PLCL1: variants seen among roughly 807,000 people sequenced by gnomAD.
PLCL1 encodes phospholipase C like 1 (inactive).
A neutral mutation model predicts 84.4 loss-of-function variants in PLCL1; 41 were observed. The observed-to-expected ratio is 0.49, with a 90% CI of 0.38 to 0.63. PLCL1 has a LOEUF of 0.63. Among genes scored for constraint, PLCL1 ranks in the 30% least tolerant of loss-of-function variants. PLCL1 has a pLI of 0.00. For synonymous variants in PLCL1, 490 were observed against 488.3 expected, an observed-to-expected ratio of 1.00 and a Z score of -0.05; for missense variants, 1,206 against 1,367.8, an observed-to-expected ratio of 0.88 and a Z score of 1.87.
rs538184493 is a variant in PLCL1, at chr2:197,961,049, A to T, written c.241-122709A>T. Among the ~76,000 whole-genome samples, 244 of 152,140 alleles carry T rather than the reference A, an allele frequency of 1.6e-3. 2 individuals are homozygous for T. Among genetic ancestry groups the T allele is most frequent in the African/African-American group, 5.9e-3 (243 of 41,528 alleles). On this transcript the variant is annotated intron_variant, in intron 1 of 5. Coordinates refer to ENST00000428675, the MANE Select transcript of PLCL1 (RefSeq NM_006226.4). ...CTTGGCATTTGGTTTCTCTTTAATA[A>T]TCTCAATCAATAATGGTTTATACTA...
chr2:197,858,282 A>G (rs567427605), intron 1 of PLCL1, among the ~76,000 whole-genome samples: 5 of 152,164 alleles, frequency 3.3e-5, no homozygotes, highest in African/African-American at 1.2e-4. Flanking sequence ...ACAGCCACTG[A>G]GTTGTAGCTC....
intron 1 of PLCL1, among the ~76,000 whole-genome samples, chr2:198,037,572 C>T (rs1691576577): frequency 6.6e-6 from 1 of 152,200 alleles, no homozygotes; most frequent in Admixed American, 6.5e-5. Context: ...TCAACATCCA[C>T]TTAACTGACA....
chr2:197,897,238 C>G (rs1179610722), intron 1 of PLCL1, among the ~76,000 whole-genome samples: 1 of 143,326 alleles, frequency 7.0e-6, no homozygotes, highest in East Asian at 2.1e-4. Context: ...TCTTCTTCCT[C>G]CTTCTTCCTC....
At chr2:197,872,275 A>G (rs1319204109) in intron 1 of PLCL1, among the ~76,000 whole-genome samples, 1 of 152,088 alleles carries the variant, frequency 6.6e-6, no homozygotes, top group African/African-American at 2.4e-5. Flanking sequence ...CTCTCAATGA[A>G]ATATAGCCAA....
chr2:198,092,400 G>A (rs187022453), intron 3 of PLCL1, among the ~76,000 whole-genome samples: 283 of 152,114 alleles, frequency 1.9e-3, no homozygotes, highest in African/African-American at 4.0e-3. Flanking sequence ...TGATATTTCC[G>A]TACATTTATA....
chr2:197,897,180 C>CT (rs1688162688), intron 1 of PLCL1, among the ~76,000 whole-genome samples: 5 of 26,206 alleles, frequency 1.9e-4, no homozygotes, highest in African/African-American at 5.3e-4. Context: ...TCTTCTTCTT[C>CT]TTCTTCTTCT....
At chr2:197,868,234 A>G (rs993952648) in intron 1 of PLCL1, among the ~76,000 whole-genome samples, 5 of 152,160 alleles carry the variant, frequency 3.3e-5, no homozygotes, top group African/African-American at 1.2e-4. Flanking sequence ...AGTCTTTTCC[A>G]TTTAAATACA....
At chr2:197,883,624 C>T (rs1559034527) in intron 1 of PLCL1, among the ~76,000 whole-genome samples, 1 of 152,054 alleles carries the variant, frequency 6.6e-6, no homozygotes, top group Non-Finnish European at 1.5e-5. Context: ...TGAAGTTCAG[C>T]ATATATTTAG....
intron 5 of PLCL1, among the ~76,000 whole-genome samples, chr2:198,130,942 C>T (rs1694105436): frequency 6.6e-6 from 1 of 152,148 alleles, no homozygotes; most frequent in Non-Finnish European, 1.5e-5. Flanking sequence ...TTCTCCCTTC[C>T]TAAAGCCCTT....
intron 1 of PLCL1, among the ~76,000 whole-genome samples, chr2:198,019,606 C>T (rs993653246): frequency 6.6e-6 from 1 of 152,044 alleles, no homozygotes; most frequent in Admixed American, 6.6e-5. Flanking sequence ...GTATCAATAG[C>T]TGAATTGATC....
At chr2:197,849,243 C>T (rs1687178563) in intron 1 of PLCL1, among the ~76,000 whole-genome samples, 1 of 152,072 alleles carries the variant, frequency 6.6e-6, no homozygotes, top group South Asian at 2.1e-4. Flanking sequence ...AAAGCCACAA[C>T]AAAATAGCAA....
At chr2:197,924,781 T>C (rs1322856424) in intron 1 of PLCL1, among the ~76,000 whole-genome samples, 1 of 152,054 alleles carries the variant, frequency 6.6e-6, no homozygotes, top group Non-Finnish European at 1.5e-5. Context: ...TTCTGAGGAC[T>C]TAAGTGGTTG....
intron 1 of PLCL1, among the ~76,000 whole-genome samples, chr2:197,917,399 G>T (rs541694074): frequency 6.4e-4 from 97 of 152,290 alleles, no homozygotes; most frequent in African/African-American, 2.2e-3. Flanking sequence ...ATACTCTATG[G>T]TTCCAATTAT....
At chr2:198,018,496 G>A (rs1234336616) in intron 1 of PLCL1, among the ~76,000 whole-genome samples, 1 of 152,174 alleles carries the variant, frequency 6.6e-6, no homozygotes, top group Non-Finnish European at 1.5e-5. Flanking sequence ...AATTCTTGCT[G>A]CCAGCACAGC....
intron 1 of PLCL1, among the ~76,000 whole-genome samples, chr2:197,981,528 C>A (rs1690104895): frequency 6.6e-6 from 1 of 152,178 alleles, no homozygotes; most frequent in African/African-American, 2.4e-5. Flanking sequence ...TATTGACACA[C>A]AAACTTTACT....
At chr2:198,055,228 A>G (rs1292246940) in intron 1 of PLCL1, among the ~76,000 whole-genome samples, 26 of 151,632 alleles carry the variant, frequency 1.7e-4, no homozygotes, top group Non-Finnish European at 1.8e-4. Context: ...TGAAAAATGC[A>G]TAAACCAATT....
chr2:197,866,007 C>G (rs1428654211), intron 1 of PLCL1, among the ~76,000 whole-genome samples: 3 of 58,172 alleles, frequency 5.2e-5, no homozygotes, highest in African/African-American at 2.5e-4. Context: ...GAGAACCTAT[C>G]TCCAAAAAAA....
Position 198,149,804 on chromosome 2 carries a change from A to C in PLCL1, c.*2842A>C, listed in dbSNP as rs1694601697. On this transcript the variant is annotated 3_prime_UTR_variant, in exon 6 of 6. Transcript: ENST00000428675. ...TAAACTGTTTGTAGCAGGGTGTTTA[A>C]AATTTTAACAATATGTTATGGATAT... 1 of 152,172 alleles carries C rather than the reference A, an allele frequency of 6.6e-6. No individual in the cohort carries two copies. The highest frequency in any genetic ancestry group is 2.4e-5 in the African/African-American group (1 of 41,444). 9.4% of individuals were successfully genotyped at this position (152,172 alleles called of 1,614,324 possible).
rs764308449 is a variant in PLCL1 at position 198,085,626 on chromosome 2, A to G, written c.2109A>G (p.Glu703=). The G allele has an allele frequency of 7.4e-6, 12 of 1,614,026 alleles. 1 individual carries two copies. The South Asian group carries it at 1.3e-4, about 18-fold the overall frequency. Residue 703 remains glutamate, a synonymous_variant, in exon 2 of 6, where the codon GAA becomes GAG. Coordinates refer to ENST00000428675, the MANE Select transcript of PLCL1 (RefSeq NM_006226.4). This position sits in a 1 kb window ranked among gnomAD's most constrained non-coding sequence, Gnocchi z 5.3. ...YVLRPSIMRD[E]VSYFSANTKG... ...TAAGGCCGTCTATAATGCGAGATGAAGTTTCTTACTTCAGCGCAAATACAA... is the reference window on the plus strand; with the variant it reads ...TAAGGCCGTCTATAATGCGAGATGAGGTTTCTTACTTCAGCGCAAATACAA...
Sources: gnomAD v4.1 joint callset for allele counts (sites outside exome capture counted in the v4.1 genomes callset) on GRCh38, gnomAD v4.1.1 for gene constraint, Gnocchi (gnomAD v3.1) non-coding constraint, MANE v1.5 for transcripts, NCBI Gene and HGNC (gene_info 2026-07-23, HGNC 2026-07-21) for gene names.